MED27: variants seen among roughly 807,000 people sequenced by gnomAD.
The protein encoded by MED27 is mediator of RNA polymerase II transcription subunit 27.
MED27 carries 30 observed loss-of-function variants against 38.2 expected under a neutral mutation model. The observed-to-expected ratio is 0.79, with a 90% CI of 0.59 to 1.07. MED27 has a LOEUF of 1.07. Ranked by LOEUF, MED27 falls within the 50% of genes least tolerant of loss-of-function variation. MED27 has a pLI of 0.00. For synonymous variants in MED27, 122 were observed against 153.5 expected (o/e 0.79, Z 1.52); for missense variants, 289 against 397.5 (o/e 0.73, Z 2.32).
chr9:131,898,472 T>A (rs1466707529), intron 4 of MED27, among the ~76,000 whole-genome samples: 2 of 152,130 alleles, frequency 1.3e-5, no homozygotes, highest in African/African-American at 4.8e-5. Flanking sequence ...GCCCTCGGCC[T>A]CCCAAAGTGC....
At chr9:131,943,163 G>T (rs1322981806) in intron 3 of MED27, among the ~76,000 whole-genome samples, 1 of 152,150 alleles carries the variant, frequency 6.6e-6, no homozygotes, top group Non-Finnish European at 1.5e-5. Context: ...GTGACATTAT[G>T]TATTTGCCAA....
rs1477754653 is a variant in MED27 at position 131,883,244 on chromosome 9, C to A, written c.723+814G>T. Among the ~76,000 whole-genome samples, 2 of 152,160 alleles carry A rather than the reference C, an allele frequency of 1.3e-5. No homozygotes were observed. Among genetic ancestry groups the A allele is most frequent in the Non-Finnish European group, 2.9e-5 (2 of 68,030 alleles). On this transcript the variant is annotated intron_variant, in intron 6 of 7. Transcript: ENST00000292035. This position sits in a 1 kb window ranked among gnomAD's most constrained non-coding sequence, Gnocchi z 4.2. ...GATGATGGCCAACTCTCTTATTTCA[C>A]TACTGGATGAGACCAGAGACAGAAG...
intron 3 of MED27, among the ~76,000 whole-genome samples, chr9:131,987,494 G>T (rs1401427566): frequency 1.3e-5 from 2 of 152,112 alleles, no homozygotes; most frequent in Non-Finnish European, 2.9e-5. Flanking sequence ...AAAACTGAGA[G>T]AAACTTCATT....
chr9:131,983,889 T>C (rs1437248562), intron 3 of MED27, among the ~76,000 whole-genome samples: 2 of 152,196 alleles, frequency 1.3e-5, no homozygotes, highest in Non-Finnish European at 2.9e-5. Flanking sequence ...AAACCAGCCA[T>C]GATAGTAGCT....
At chr9:132,042,195 G>A (rs997220662) in intron 2 of MED27, among the ~76,000 whole-genome samples, 5 of 152,188 alleles carry the variant, frequency 3.3e-5, no homozygotes, top group African/African-American at 1.2e-4. Context: ...GAAGAGGCTG[G>A]CTTAAGGATG....
At chr9:132,023,210 C>CA (rs142894347) in intron 2 of MED27, among the ~76,000 whole-genome samples, 4,500 of 152,108 alleles carry the variant, frequency 0.03, 213 homozygotes, top group African/African-American at 0.097. Flanking sequence ...TTTTCCCCCC[C>CA]AAAAGAAAAC....
chr9:131,869,129 CCCA>C, intron 6 of MED27: 2 of 985,412 alleles, frequency 2.0e-6, no homozygotes, highest in Non-Finnish European at 2.4e-6. Flanking sequence ...TCTTCAATTT[CCCA>C]CCACCAATTA....
chr9:132,063,046 A>G (rs1833733936), intron 2 of MED27, among the ~76,000 whole-genome samples: 1 of 152,192 alleles, frequency 6.6e-6, no homozygotes, highest in African/African-American at 2.4e-5. Flanking sequence ...CAAGTGTCCT[A>G]GTGACAAAAG....
chr9:131,979,959 A>G (rs1023881937), intron 3 of MED27, among the ~76,000 whole-genome samples: 2 of 152,158 alleles, frequency 1.3e-5, no homozygotes, highest in Non-Finnish European at 2.9e-5. Flanking sequence ...GCATAATAAA[A>G]CTGTATACAT....
chr9:132,060,163 CTGATTAGCATAGGTA>C (rs1318376207), intron 2 of MED27, among the ~76,000 whole-genome samples: 2 of 152,070 alleles, frequency 1.3e-5, no homozygotes, highest in African/African-American at 4.8e-5. Flanking sequence ...AGAAGAATCA[CTGATTAGCATAGGTA>C]TGACCCCCAT....
chr9:131,987,716 G>T (rs1483824272), intron 3 of MED27, among the ~76,000 whole-genome samples: 1 of 150,698 alleles, frequency 6.6e-6, no homozygotes, highest in African/African-American at 2.5e-5. Context: ...ATATTTTGAC[G>T]CAATAACAGG....
intron 2 of MED27, among the ~76,000 whole-genome samples, chr9:132,035,894 A>C (rs1833064789): frequency 2.0e-5 from 3 of 152,020 alleles, no homozygotes; most frequent in African/African-American, 7.2e-5. Flanking sequence ...GAGCCCAGGA[A>C]GTGGAGGCTG....
At chr9:131,904,541 G>A (rs1032267459) in intron 4 of MED27, among the ~76,000 whole-genome samples, 6 of 134,838 alleles carry the variant, frequency 4.4e-5, no homozygotes, top group East Asian at 2.2e-4. Flanking sequence ...ATAGAGATCG[G>A]GGGGGAGCGG....
At chr9:131,928,328 C>T (rs2131561690) in intron 4 of MED27, among the ~76,000 whole-genome samples, 1 of 152,248 alleles carries the variant, frequency 6.6e-6, no homozygotes, top group South Asian at 2.1e-4. Flanking sequence ...AGACAGAAGC[C>T]TCCCCCGACC....
intron 4 of MED27, among the ~76,000 whole-genome samples, chr9:131,903,069 C>T (rs1829982489): frequency 7.1e-6 from 1 of 141,346 alleles, no homozygotes; most frequent in Non-Finnish European, 1.5e-5. Context: ...AGTGCTGGGT[C>T]AGTGGTGGCC....
chr9:131,893,315 G>C (rs534860246), intron 5 of MED27, among the ~76,000 whole-genome samples: 1 of 152,278 alleles, frequency 6.6e-6, no homozygotes, highest in East Asian at 1.9e-4. Context: ...GCTCTCTGTG[G>C]AGCCATATGG....
chr9:131,905,951 G>A (rs1195797696), intron 4 of MED27, among the ~76,000 whole-genome samples: 1 of 152,080 alleles, frequency 6.6e-6, no homozygotes, highest in African/African-American at 2.4e-5. Flanking sequence ...CATTCACAGA[G>A]CTAACAGTCT....
chr9:132,065,916 C>T (rs75940242), intron 2 of MED27, among the ~76,000 whole-genome samples: 30 of 152,332 alleles, frequency 2.0e-4, no homozygotes, highest in African/African-American at 7.2e-4. Flanking sequence ...TACTGTTGGT[C>T]CCCGTTAGAG....
At chr9:131,914,949 G>T (rs538789391) in intron 4 of MED27, among the ~76,000 whole-genome samples, 3 of 152,234 alleles carry the variant, frequency 2.0e-5, no homozygotes, top group African/African-American at 7.2e-5. Flanking sequence ...GAATTCTGGC[G>T]TGGGCAACAG....
Sources: gnomAD v4.1 joint callset for allele counts (sites outside exome capture counted in the v4.1 genomes callset) on GRCh38, gnomAD v4.1.1 for gene constraint, Gnocchi (gnomAD v3.1) non-coding constraint, MANE v1.5 for transcripts, NCBI Gene and HGNC (gene_info 2026-07-23, HGNC 2026-07-21) for gene names.